Variants in NRXN3 observed in about 807,000 individuals in gnomAD.
NRXN3 encodes neurexin 3, also known as neurexin III.
Under a neutral mutation model 137.6 loss-of-function variants are expected in NRXN3, and 32 were observed. The ratio of observed to expected loss-of-function variants is 0.23; its 90% confidence interval spans 0.18 to 0.31. The LOEUF (loss-of-function observed/expected upper bound fraction) is 0.31, where lower values mean the gene tolerates loss of function less well. NRXN3 is among the 10% of genes least tolerant of loss of function. NRXN3 has a pLI of 1.00. For missense variants in NRXN3, 1,574 were observed against 2,062.5 expected, an observed-to-expected ratio of 0.76 and a Z score of 4.59; for synonymous variants, 798 against 784.5, an observed-to-expected ratio of 1.02 and a Z score of -0.29.
intron 16 of NRXN3, among the ~76,000 whole-genome samples, chr14:79,485,005 GTTA>G (rs1314062621): frequency 6.6e-6 from 1 of 151,918 alleles, no homozygotes; most frequent in Admixed American, 6.6e-5. Flanking sequence ...AGAAAAGTTG[GTTA>G]TTATTCTTAA....
intron 19 of NRXN3, among the ~76,000 whole-genome samples, chr14:79,723,845 A>T: frequency 6.6e-6 from 1 of 152,124 alleles, no homozygotes; most frequent in Middle Eastern, 3.2e-3. Flanking sequence ...CTAGAACGGC[A>T]ATCAGTGGAG....
At chr14:79,279,731 C>T (rs2080943232) in intron 15 of NRXN3, 5 of 987,148 alleles carry the variant, frequency 5.1e-6, no homozygotes, top group Non-Finnish European at 6.0e-6. Flanking sequence ...CTCCCAGGAA[C>T]ACCCGAAGAA....
intron 19 of NRXN3, among the ~76,000 whole-genome samples, chr14:79,735,809 A>G (rs973143966): frequency 3.3e-5 from 5 of 152,160 alleles, no homozygotes; most frequent in African/African-American, 1.2e-4. Flanking sequence ...AGTTGTTGCT[A>G]GTTTTCCTTT....
chr14:79,846,644 G>T (rs1568438896), intron 20 of NRXN3, among the ~76,000 whole-genome samples: 1 of 152,174 alleles, frequency 6.6e-6, no homozygotes, highest in African/African-American at 2.4e-5. Context: ...GCTTTAATGT[G>T]TACTAAATTC....
At chr14:78,772,843 T>C (rs2098732727) in intron 8 of NRXN3, among the ~76,000 whole-genome samples, 1 of 152,196 alleles carries the variant, frequency 6.6e-6, no homozygotes, top group South Asian at 2.1e-4. Context: ...CTTTAAAATT[T>C]TGTTGAAAAT....
intron 19 of NRXN3, among the ~76,000 whole-genome samples, chr14:79,768,531 A>T (rs917329893): frequency 1.3e-5 from 2 of 152,194 alleles, no homozygotes; most frequent in Non-Finnish European, 2.9e-5. Context: ...CTCACATGGC[A>T]GGGTACTCCA....
rs115958959 is a variant in NRXN3 at position 79,676,958 on chromosome 14, C to A, written c.3616+13009C>A. ...GAAAGAAACAAACATAGTAGGTAAT[C>A]AGTAAATATTAAACTGTACAACTGA... On this transcript the variant is annotated intron_variant, in intron 17 of 20. Transcript: ENST00000335750. Among the ~76,000 whole-genome samples the A allele has an allele frequency of 8.0e-3, 1,212 of 152,120 alleles. 10 individuals are homozygous for A. Among genetic ancestry groups the A allele is most frequent in the African/African-American group, 0.025 (1,055 of 41,526 alleles).
chr14:78,836,720 A>G (rs565304241), intron 10 of NRXN3, among the ~76,000 whole-genome samples: 2 of 152,312 alleles, frequency 1.3e-5, no homozygotes, highest in Non-Finnish European at 2.9e-5. Context: ...TGTTATTTTC[A>G]TTTAATTTGC....
intron 19 of NRXN3, among the ~76,000 whole-genome samples, chr14:79,727,178 C>A (rs1477868668): frequency 6.6e-6 from 1 of 152,104 alleles, no homozygotes; most frequent in South Asian, 2.1e-4. Flanking sequence ...TTCCGATAAG[C>A]TTTTCTTAGC....
At chr14:79,263,239 C>T (rs115602382) in intron 15 of NRXN3, among the ~76,000 whole-genome samples, 271 of 152,270 alleles carry the variant, frequency 1.8e-3, no homozygotes, top group African/African-American at 6.2e-3. Context: ...CAGAATACCA[C>T]ATCTATATAA....
intron 20 of NRXN3, among the ~76,000 whole-genome samples, chr14:79,851,389 T>C (rs2099391064): frequency 6.6e-6 from 1 of 152,132 alleles, no homozygotes; most frequent in Non-Finnish European, 1.5e-5. Context: ...TCTAAAACTT[T>C]CCAGCTGCTC....
At chr14:78,344,415 G>A (rs2082477388) in intron 4 of NRXN3, among the ~76,000 whole-genome samples, 1 of 152,176 alleles carries the variant, frequency 6.6e-6, no homozygotes, top group Non-Finnish European at 1.5e-5. Context: ...TCCTAAACAG[G>A]TAGTCAAAGC....
chr14:79,430,295 C>T (rs1164926018), intron 15 of NRXN3, among the ~76,000 whole-genome samples: 1 of 152,166 alleles, frequency 6.6e-6, no homozygotes, highest in Non-Finnish European at 1.5e-5. Context: ...GAGAATTTTG[C>T]TGTTCTGGAG....
Position 78,363,556 on chromosome 14 carries a change from A to T in NRXN3, c.757+65696A>T, listed in dbSNP as rs75124957. ...TACAGGTTGATTAAATTACTCATAC[A>T]GTTAGTCAATGTCAGAACCTCAACT... On this transcript the variant is annotated intron_variant, in intron 4 of 20. Coordinates refer to ENST00000335750, the MANE Select transcript of NRXN3 (RefSeq NM_001330195.2). Among the ~76,000 whole-genome samples the T allele has an allele frequency of 8.2e-3, 1,246 of 152,322 alleles. 39 individuals carry two copies. The East Asian group carries it at 0.084, about 10-fold the overall frequency.
intron 10 of NRXN3, among the ~76,000 whole-genome samples, chr14:78,940,148 C>T (rs1317230664): frequency 6.6e-6 from 1 of 152,164 alleles, no homozygotes; most frequent in Admixed American, 6.5e-5. Flanking sequence ...CTCCACTACC[C>T]TACGACACGG....
chr14:79,706,918 C>T (rs1472783645), intron 19 of NRXN3, among the ~76,000 whole-genome samples: 1 of 152,030 alleles, frequency 6.6e-6, no homozygotes, highest in African/African-American at 2.4e-5. Context: ...TACACTTGGC[C>T]CCCTGGCACT....
At chr14:79,425,735 A>T (rs2095646138) in intron 15 of NRXN3, among the ~76,000 whole-genome samples, 1 of 152,176 alleles carries the variant, frequency 6.6e-6, no homozygotes, top group Non-Finnish European at 1.5e-5. Context: ...CTTTGAGACC[A>T]TATGACCCAA....
chr14:78,778,678 TTTTCTTTCTTTC>T (rs56391630), intron 8 of NRXN3, among the ~76,000 whole-genome samples: 2,454 of 114,490 alleles, frequency 0.021, 49 homozygotes, highest in African/African-American at 0.046. Context: ...TTCTCTTTTC[TTTTCTTTCTTTC>T]TTTCTTTCTT....
intron 15 of NRXN3, among the ~76,000 whole-genome samples, chr14:79,359,004 T>C (rs1052638829): frequency 6.6e-6 from 1 of 152,234 alleles, no homozygotes; most frequent in Non-Finnish European, 1.5e-5. Flanking sequence ...TAATGTATAT[T>C]TAATATACCA....
Sources: allele counts gnomAD v4.1 joint callset (sites outside exome capture counted in the v4.1 genomes callset), GRCh38; gene constraint gnomAD v4.1.1; transcripts MANE v1.5; gene names NCBI Gene and HGNC (gene_info 2026-07-23, HGNC 2026-07-21).